The following ICE2 variants were observed in gnomAD, a reference collection of about 807,000 sequenced individuals.
The protein encoded by ICE2 is interactor of little elongation complex ELL subunit 2.
ICE2 carries 87 observed loss-of-function variants against 105.4 expected under a neutral mutation model. That is an observed-to-expected ratio of 0.83 (90% CI 0.69 to 0.99). ICE2 has a LOEUF of 0.99. Among genes scored for constraint, ICE2 ranks in the 50% least tolerant of loss-of-function variants. The probability of loss-of-function intolerance (pLI) is 0.00; values close to 1 mark genes in which losing one functional copy is unlikely to be tolerated. For missense variants in ICE2, 1,323 were observed against 1,146.7 expected (o/e 1.15, Z -2.22); for synonymous variants, 399 against 392.0 (o/e 1.02, Z -0.21).
intron 10 of ICE2, among the ~76,000 whole-genome samples, 181 bp downstream of exon 10, chr15:60,448,667 A>G (rs2063882150): frequency 6.6e-6 from 1 of 152,234 alleles, no homozygotes; most frequent in African/African-American, 2.4e-5. Context: ...GCCTTTGTAT[A>G]CATATCTAGA....
chr15:60,453,788 A>G lies in ICE2; in HGVS notation c.944-4T>C, dbSNP rs2064028165. The G allele has an allele frequency of 1.3e-6, 2 of 1,556,744 alleles. No homozygotes were observed. Among genetic ancestry groups the G allele is most frequent in the African/African-American group, 1.4e-5 (1 of 73,398 alleles). On this transcript the variant is annotated splice_region_variant and splice_polypyrimidine_tract_variant and intron_variant, in intron 8 of 15. Transcript: ENST00000261520. ...ATTACTTTAACTGGTTTTGAACCTT[A>G]AAACAGAAACCAAAGAAAAGAGGTG...
intron 3 of ICE2, among the ~76,000 whole-genome samples, chr15:60,472,292 T>G (rs1595823582): frequency 6.6e-6 from 1 of 152,290 alleles, no homozygotes; most frequent in East Asian, 1.9e-4. Flanking sequence ...GGAAAATTTT[T>G]TTTATCTTGA....
At chr15:60,458,017 T>C (rs1294805100) in intron 5 of ICE2, among the ~76,000 whole-genome samples, 2 of 152,180 alleles carry the variant, frequency 1.3e-5, no homozygotes, top group African/African-American at 4.8e-5. Flanking sequence ...CTGGTAAAAC[T>C]GTGGTGGATG....
At chr15:60,427,697 G>A (rs2063367214) in intron 15 of ICE2, among the ~76,000 whole-genome samples, 1 of 152,220 alleles carries the variant, frequency 6.6e-6, no homozygotes, top group Admixed American at 6.5e-5. Context: ...GATTATAGGT[G>A]TGAGCCACTG....
chr15:60,444,391 T>C (rs2063780558), intron 11 of ICE2, among the ~76,000 whole-genome samples: 1 of 152,256 alleles, frequency 6.6e-6, no homozygotes, highest in Middle Eastern at 3.4e-3. Flanking sequence ...AAAAAAGGCC[T>C]GAACATTTCA....
At chr15:60,441,155 G>C (rs2063711333) in intron 12 of ICE2, 1 of 152,108 alleles carries the variant, frequency 6.6e-6, no homozygotes, top group African/African-American at 2.4e-5. Context: ...TGTTGAGATT[G>C]TTGGTGTGAG....
chr15:60,458,199 A>G (rs1375335101), intron 5 of ICE2, among the ~76,000 whole-genome samples: 1 of 152,190 alleles, frequency 6.6e-6, no homozygotes, highest in Non-Finnish European at 1.5e-5. Flanking sequence ...ATGTAGCAAA[A>G]AAATGTTTTA....
intron 11 of ICE2, among the ~76,000 whole-genome samples, chr15:60,445,312 C>T (rs1218443900): frequency 2.6e-5 from 4 of 152,064 alleles, no homozygotes; most frequent in African/African-American, 4.8e-5. Flanking sequence ...CCTCAACCTC[C>T]CTAAAGTTCC....
At chr15:60,475,468 A>G (rs766579792) in intron 3 of ICE2, among the ~76,000 whole-genome samples, 17 of 152,154 alleles carry the variant, frequency 1.1e-4, no homozygotes, top group Non-Finnish European at 1.6e-4. Context: ...CCAAAAAAAA[A>G]GAAGAAAAGG....
chr15:60,477,100 G>C (rs754043138), intron 2 of ICE2, among the ~76,000 whole-genome samples: 1 of 152,148 alleles, frequency 6.6e-6, no homozygotes, highest in Non-Finnish European at 1.5e-5. Flanking sequence ...TGTTCTTAAA[G>C]GCATTTATCC....
At chr15:60,451,001 G>A (rs145956181) in intron 9 of ICE2, 3 of 216,664 alleles carry the variant, frequency 1.4e-5, no homozygotes, top group Non-Finnish European at 2.4e-5. Context: ...GAATAGCAAT[G>A]AAAGTGTTAG....
In ICE2 at chr15:60,469,351, T is replaced by C. The variant is rs143761481; in HGVS notation, c.147-1029A>G. On this transcript the variant is annotated intron_variant, in intron 3 of 15. Coordinates refer to ENST00000261520, the MANE Select transcript of ICE2 (RefSeq NM_024611.6). The stretch of plus-strand genomic sequence containing the variant: ...AATAGCTAATGCATGCTGGGCTTAA[T>C]ACCTAGGTGATGGGTTGGTAAGTAC... Among the ~76,000 whole-genome samples, 204 of 152,178 alleles carry C rather than the reference T, an allele frequency of 1.3e-3. 3 individuals are homozygous for C. Among genetic ancestry groups the C allele is most frequent in the African/African-American group, 4.7e-3 (194 of 41,504 alleles).
chr15:60,448,155 T>C lies in ICE2; in HGVS notation c.2120-10A>G, dbSNP rs1459646330. On this transcript the variant is annotated splice_polypyrimidine_tract_variant and intron_variant, in intron 10 of 15. Coordinates refer to ENST00000261520, the MANE Select transcript of ICE2 (RefSeq NM_024611.6). The stretch of plus-strand genomic sequence containing the variant: ...AGTTCATATGGCAATCCTTTAAAAA[T>C]AGTATTTCTCATTTTTAAAATACAT... The C allele has an allele frequency of 1.9e-6, 3 of 1,575,636 alleles. No individual in the cohort carries two copies. Among genetic ancestry groups the C allele is most frequent in the East Asian group, 2.2e-5 (1 of 44,666 alleles).
chr15:60,468,195 C>CAAG lies in ICE2; in HGVS notation c.273_274insCTT (p.Arg91_Val92insLeu). The stretch of plus-strand genomic sequence containing the variant: ...AAACGAGAGAAACGAGGATAAGGAA[C>CAAG]TCTTGGTTTTGGAAGAAGAACCATT... On this transcript the variant is annotated inframe_insertion, in exon 4 of 16. Transcript: ENST00000261520. 1 of 1,614,080 alleles carries CAAG rather than the reference C, an allele frequency of 6.2e-7. No homozygotes were observed. Among genetic ancestry groups the CAAG allele is most frequent in the South Asian group, 1.1e-5 (1 of 91,084 alleles).
chr15:60,454,890 G>T (rs2141086738), intron 8 of ICE2, 113 bp downstream of exon 8: 1 of 960,976 alleles, frequency 1.0e-6, no homozygotes, highest in Non-Finnish European at 1.5e-6. Context: ...GGTGTGTGTT[G>T]TTTCACTCTC....
At chr15:60,437,397 T>C (rs187170755) in intron 12 of ICE2, among the ~76,000 whole-genome samples, 286 of 151,712 alleles carry the variant, frequency 1.9e-3, no homozygotes, top group African/African-American at 6.4e-3. Flanking sequence ...TGCAGTAGCA[T>C]GATCTTGGCT....
chr15:60,462,607 G>C (rs1169063146), intron 5 of ICE2, among the ~76,000 whole-genome samples: 1 of 152,064 alleles, frequency 6.6e-6, no homozygotes, highest in Non-Finnish European at 1.5e-5. Context: ...AGCCCATAAA[G>C]TTTTTGTATT....
At chr15:60,453,808 G>T in intron 8 of ICE2, 24 bp from the exon 9 acceptor site, 2 of 1,510,872 alleles carry the variant, frequency 1.3e-6, no homozygotes, top group Non-Finnish European at 1.8e-6. Context: ...CCAAAGAAAA[G>T]AGGTGATTAG....
intron 15 of ICE2, among the ~76,000 whole-genome samples, chr15:60,427,070 T>C (rs1432738328): frequency 6.6e-6 from 1 of 152,206 alleles, no homozygotes; most frequent in Admixed American, 6.6e-5. Context: ...AGTAGGAATG[T>C]ACAAGGAGTT....
Sources: allele counts gnomAD v4.1 joint callset (sites outside exome capture counted in the v4.1 genomes callset), GRCh38; gene constraint gnomAD v4.1.1; transcripts MANE v1.5; gene names NCBI Gene and HGNC (gene_info 2026-07-23, HGNC 2026-07-21).